Variants in SLC44A1 observed in about 807,000 individuals in gnomAD.
SLC44A1 encodes the protein solute carrier family 44 member 1, also known as choline transporter-like protein 1.
A neutral mutation model predicts 79.3 loss-of-function variants in SLC44A1; 26 were observed. The ratio of observed to expected loss-of-function variants is 0.33; its 90% CI spans 0.24 to 0.46. The LOEUF is 0.46. Among genes scored for constraint, SLC44A1 ranks in the 20% least tolerant of loss-of-function variants. The pLI is 1.00. For missense variants in SLC44A1, 688 were observed against 798.1 expected (o/e 0.86, Z 1.66); for synonymous variants, 263 against 286.2 (o/e 0.92, Z 0.82).
At chr9:105,429,491 C>A (rs1301905057) in intron 15 of SLC44A1, among the ~76,000 whole-genome samples, 2 of 152,078 alleles carry the variant, frequency 1.3e-5, no homozygotes, top group Non-Finnish European at 2.9e-5. Flanking sequence ...TCTGTAGAGA[C>A]AAGGTTTTGC....
chr9:105,298,863 C>T (rs1469237582), intron 1 of SLC44A1, among the ~76,000 whole-genome samples: 1 of 152,066 alleles, frequency 6.6e-6, no homozygotes, highest in African/African-American at 2.4e-5. Flanking sequence ...ATGTTAGATG[C>T]CGAGAAATAA....
chr9:105,368,755 A>T (rs989312421), intron 12 of SLC44A1, among the ~76,000 whole-genome samples: 1 of 152,148 alleles, frequency 6.6e-6, no homozygotes, highest in Non-Finnish European at 1.5e-5. Context: ...AAATCTATTG[A>T]GGTCAGGCAC....
chr9:105,252,578 T>C (rs952089292), intron 1 of SLC44A1, among the ~76,000 whole-genome samples: 1 of 152,166 alleles, frequency 6.6e-6, no homozygotes, highest in Non-Finnish European at 1.5e-5. Flanking sequence ...AGTTACTGGG[T>C]CAAGGTGGAC....
At chr9:105,286,839 C>G (rs1830490241) in intron 1 of SLC44A1, among the ~76,000 whole-genome samples, 1 of 152,144 alleles carries the variant, frequency 6.6e-6, no homozygotes, top group Non-Finnish European at 1.5e-5. Context: ...CAGTGCATGC[C>G]TGTAGTCCTA....
chr9:105,414,035 G>C (rs1367269516), intron 15 of SLC44A1, among the ~76,000 whole-genome samples: 1 of 150,514 alleles, frequency 6.6e-6, no homozygotes, highest in African/African-American at 2.4e-5. Flanking sequence ...GCTTTCGCTG[G>C]ACAGTTAGTG....
intron 15 of SLC44A1, among the ~76,000 whole-genome samples, chr9:105,413,511 A>G (rs979501022): frequency 2.6e-5 from 4 of 152,244 alleles, no homozygotes; most frequent in African/African-American, 9.6e-5. Context: ...ACAGAACCAC[A>G]GACCAAAGAT....
intron 2 of SLC44A1, among the ~76,000 whole-genome samples, chr9:105,301,664 A>G (rs963563714): frequency 3.3e-5 from 5 of 152,194 alleles, no homozygotes; most frequent in African/African-American, 9.7e-5. Context: ...ACGTGTATAT[A>G]TATATATCTG....
chr9:105,397,011 A>T lies in SLC44A1; in HGVS notation c.*7955A>T. On this transcript the variant is annotated 3_prime_UTR_variant, in exon 16 of 16. Transcript: ENST00000374720. ...TATTGACACAGTGCAGACTTTGCAG[A>T]TGGAGCATTATGCTCTCAGAGGACT... is the stretch of plus-strand genomic sequence containing the variant. The T allele has an allele frequency of 1.0e-6, 1 of 985,252 alleles. No homozygotes were observed. The highest frequency in any genetic ancestry group is 1.2e-6 in the Non-Finnish European group (1 of 829,776). 61.0% of individuals were successfully genotyped at this position (985,252 alleles called of 1,614,324 possible). A position where few individuals can be genotyped will look rare whatever the true frequency, so the allele number is the denominator to read the frequency against.
At chr9:105,282,470 T>A (rs1335430067) in intron 1 of SLC44A1, among the ~76,000 whole-genome samples, 3 of 152,234 alleles carry the variant, frequency 2.0e-5, no homozygotes, top group African/African-American at 4.8e-5. Flanking sequence ...AGTCTTCTGA[T>A]CAGACTGTCA....
chr9:105,318,183 G>T (rs1826261225), intron 3 of SLC44A1, among the ~76,000 whole-genome samples: 1 of 151,962 alleles, frequency 6.6e-6, no homozygotes, highest in East Asian at 1.9e-4. Flanking sequence ...AGGTTTTTTT[G>T]TTTGTTTGTT....
intron 3 of SLC44A1, among the ~76,000 whole-genome samples, chr9:105,322,674 A>T (rs1158061133): frequency 6.6e-6 from 1 of 152,206 alleles, no homozygotes; most frequent in African/African-American, 2.4e-5. Context: ...AAATACTGTG[A>T]AAGTAGTCAG....
At chr9:105,371,272 G>T (rs891199402) in intron 12 of SLC44A1, among the ~76,000 whole-genome samples, 1 of 152,208 alleles carries the variant, frequency 6.6e-6, no homozygotes, top group African/African-American at 2.4e-5. Context: ...CAGGAGGTCA[G>T]CAAGCTTTCT....
chr9:105,307,083 A>G (rs1588760283), intron 2 of SLC44A1, among the ~76,000 whole-genome samples: 1 of 152,024 alleles, frequency 6.6e-6, no homozygotes, highest in African/African-American at 2.4e-5. Context: ...ATTCAAATTC[A>G]CCCCTAACAG....
intron 1 of SLC44A1, among the ~76,000 whole-genome samples, chr9:105,293,418 C>T (rs1227538147): frequency 6.6e-6 from 1 of 152,166 alleles, no homozygotes; most frequent in Non-Finnish European, 1.5e-5. Flanking sequence ...AGATATTACC[C>T]AGATGTCTTC....
intron 15 of SLC44A1, among the ~76,000 whole-genome samples, chr9:105,411,574 T>G (rs1204332715): frequency 1.3e-5 from 2 of 151,060 alleles, no homozygotes; most frequent in African/African-American, 4.9e-5. Context: ...TGGTCAACAA[T>G]CCAATCTAGG....
intron 1 of SLC44A1, among the ~76,000 whole-genome samples, chr9:105,273,616 A>T (rs1830127898): frequency 6.6e-6 from 1 of 152,180 alleles, no homozygotes; most frequent in Non-Finnish European, 1.5e-5. Context: ...TCATTCAAGC[A>T]GTAGGAATCT....
At chr9:105,351,588 G>GAGAGAAAGAGAGAA (rs1827423509) in intron 5 of SLC44A1, among the ~76,000 whole-genome samples, 1 of 124,520 alleles carries the variant, frequency 8.0e-6, no homozygotes. Flanking sequence ...AAGAGAGAAA[G>GAGAGAAAGAGAGAA]AGAGAAAGAG....
At chr9:105,430,924 G>A (rs1237648896) in intron 15 of SLC44A1, among the ~76,000 whole-genome samples, 1 of 152,116 alleles carries the variant, frequency 6.6e-6, no homozygotes, top group Non-Finnish European at 1.5e-5. Flanking sequence ...CTACATCCTC[G>A]ACAAGTGTAA....
chr9:105,410,955 T>G (rs1314530020), intron 15 of SLC44A1, among the ~76,000 whole-genome samples: 2 of 152,208 alleles, frequency 1.3e-5, no homozygotes, highest in Non-Finnish European at 1.5e-5. Flanking sequence ...TATTGTATGA[T>G]TCCATGTATA....
Sources: gnomAD v4.1 joint callset for allele counts (sites outside exome capture counted in the v4.1 genomes callset) on GRCh38, gnomAD v4.1.1 for gene constraint, MANE v1.5 for transcripts, NCBI Gene and HGNC (gene_info 2026-07-23, HGNC 2026-07-21) for gene names.